The following ARGFX variants were observed in gnomAD, a reference collection of about 807,000 sequenced individuals.
ARGFX encodes the protein arginine-fifty homeobox.
In ARGFX, 10 loss-of-function variants were observed where a neutral mutation model predicts 8.0. The observed-to-expected ratio is 1.25, with a 90% CI of 0.77 to 2.12. The LOEUF is 2.12. Among genes scored for constraint, ARGFX ranks in the 30% most tolerant of loss-of-function variants. The pLI is 0.00. For synonymous variants in ARGFX, 116 were observed against 117.8 expected (o/e 0.98, Z 0.10); for missense variants, 282 against 324.3 (o/e 0.87, Z 1.00).
At chr3:121,579,919 TC>T (rs1304234011) in intron 3 of ARGFX, among the ~76,000 whole-genome samples, 3 of 142,686 alleles carry the variant, frequency 2.1e-5, no homozygotes, top group Non-Finnish European at 3.1e-5. Flanking sequence ...TTTCTTTCTT[TC>T]TTTCTTTTTC....
At chr3:121,584,219 G>C (rs1167564080) in intron 3 of ARGFX, among the ~76,000 whole-genome samples, 19 of 131,464 alleles carry the variant, frequency 1.4e-4, no homozygotes, top group Admixed American at 4.4e-4. Context: ...AGGAAGGAAG[G>C]AAGGAAGGAA....
At chr3:121,584,239 G>GAAGT (rs1311546456) in intron 3 of ARGFX, among the ~76,000 whole-genome samples, 1 of 150,300 alleles carries the variant, frequency 6.7e-6, no homozygotes. Flanking sequence ...AGGAAGGAAG[G>GAAGT]AAGGAAGGAA....
intron 3 of ARGFX, among the ~76,000 whole-genome samples, chr3:121,582,346 G>A (rs187862615): frequency 6.6e-5 from 10 of 152,120 alleles, no homozygotes; most frequent in Non-Finnish European, 1.2e-4. Context: ...CTGGTAAAAC[G>A]ATGTTATTTA....
rs1445496601 is a variant in ARGFX, at chr3:121,586,899, TA to T, written c.*300del. ...AGTGGTTTTGGGGGTTATCCACTTT[TA>T]TTTTTTTGAAACTAGCTCTCATTCT... On this transcript the variant is annotated 3_prime_UTR_variant, in exon 5 of 5. Coordinates refer to ENST00000334384, the MANE Select transcript of ARGFX (RefSeq NM_001012659.2). 3.3e-5 allele frequency among the ~76,000 whole-genome samples: 5 copies of T among 152,156 alleles called. No individual in the cohort carries two copies. Among genetic ancestry groups the T allele is most frequent in the African/African-American group, 1.2e-4 (5 of 41,432 alleles).
At position 121,587,694 on chromosome 3, in the gene ARGFX, T is replaced by C. The variant is rs2048820461; in HGVS notation, c.*1094T>C. 6.6e-6 allele frequency among the ~76,000 whole-genome samples: 1 copy of C among 152,212 alleles called. No homozygotes were observed. Among genetic ancestry groups the C allele is most frequent in the African/African-American group, 2.4e-5 (1 of 41,456 alleles). ...TATTTGTTTTTTGTAGACAGCACTC[T>C]GTCACCCAGGCTGGAGTGCAGTGGC... On this transcript the variant is annotated 3_prime_UTR_variant, in exon 5 of 5. Coordinates refer to ENST00000334384, the MANE Select transcript of ARGFX (RefSeq NM_001012659.2).
In ARGFX at chr3:121,570,773, T is replaced by A; in HGVS notation, c.60T>A (p.Tyr20Ter). Residue 20 changes from tyrosine to a stop codon, truncating the protein, a stop_gained, in exon 2 of 5, where the codon TAT becomes TAA. Coordinates refer to ENST00000334384, the MANE Select transcript of ARGFX (RefSeq NM_001012659.2). LOFTEE classifies it high-confidence loss of function. ...PQPDPFINRN[Y>*]SNMKVIPPQD... Reference sequence around the variant, plus strand: ...CAGACCCTTTCATCAATAGGAATTATTCCAACATGAAGGTGATACCACCAC... The same window carrying A: ...CAGACCCTTTCATCAATAGGAATTAATCCAACATGAAGGTGATACCACCAC... 2.5e-6 allele frequency: 4 copies of A among 1,609,498 alleles called. No individual in the cohort carries two copies. The South Asian group carries it at 4.4e-5, about 18-fold the overall frequency.
At chr3:121,570,967 A>AT (rs1387499510) in intron 2 of ARGFX, 151 bp downstream of exon 2, 4 of 546,498 alleles carry the variant, frequency 7.3e-6, no homozygotes, top group Admixed American at 8.2e-5. Flanking sequence ...GGAGAAATAC[A>AT]TTTCAAATCA....
In ARGFX at chr3:121,588,218, A is replaced by T. The variant is rs1388149797; in HGVS notation, c.*1618A>T. ...GGTGGTGGCTCATGCCTGTAATCCC[A>T]GCACTTTGGGAGGCCGAGGCGGGCG... On this transcript the variant is annotated 3_prime_UTR_variant, in exon 5 of 5. Coordinates refer to ENST00000334384, the MANE Select transcript of ARGFX (RefSeq NM_001012659.2). 6.6e-6 allele frequency among the ~76,000 whole-genome samples: 1 copy of T among 151,270 alleles called. No homozygotes were observed. Among genetic ancestry groups the T allele is most frequent in the Non-Finnish European group, 1.5e-5 (1 of 67,884 alleles).
intron 3 of ARGFX, among the ~76,000 whole-genome samples, chr3:121,577,246 T>TCTACATGTAC (rs2048745734): frequency 4.1e-4 from 20 of 49,110 alleles, no homozygotes; most frequent in African/African-American, 5.4e-4. Flanking sequence ...TATATATATA[T>TCTACATGTAC]ATATATATAT....
At position 121,586,579 on chromosome 3, in the gene ARGFX, G is replaced by T. The variant is rs199657126; in HGVS notation, c.927G>T (p.Met309Ile). ...DSLEFQKTSNMVDLGFL is the reference protein window; with the variant it reads ...DSLEFQKTSNIVDLGFL ...TGGAATTCCAGAAAACCTCCAATAT[G>T]GTAGACTTGGGATTTCTCTGACCAG... Residue 309 changes from methionine (M) to isoleucine (I), a missense_variant, in exon 5 of 5, where the codon ATG becomes ATT. Physicochemically the swap from Met to Ile is conservative, Grantham distance 10. Coordinates refer to ENST00000334384, the MANE Select transcript of ARGFX (RefSeq NM_001012659.2). 2 of 1,613,036 alleles carry T rather than the reference G, an allele frequency of 1.2e-6. No individual in the cohort carries two copies. Among genetic ancestry groups the T allele is most frequent in the African/African-American group, 1.3e-5 (1 of 74,866 alleles).
intron 2 of ARGFX, among the ~76,000 whole-genome samples, chr3:121,571,164 A>G (rs568081244): frequency 7.2e-5 from 11 of 152,328 alleles, no homozygotes; most frequent in Admixed American, 6.5e-5. Context: ...AAACAAACAA[A>G]CAAACAAAAG....
rs199782325 is a variant in ARGFX at position 121,586,524 on chromosome 3, C to G, written c.872C>G (p.Ala291Gly). 3.8e-5 allele frequency: 62 copies of G among 1,614,032 alleles called. No homozygotes were observed. Among genetic ancestry groups the G allele is most frequent in the Admixed American group, 6.7e-5 (4 of 59,984 alleles). The change falls in exon 5 of 5, where the codon GCC (alanine) becomes GGC (glycine). Residue 291 changes from alanine (A) to glycine (G), a missense_variant. By Grantham distance (60) the Ala-to-Gly change is moderately conservative. Coordinates refer to ENST00000334384, the MANE Select transcript of ARGFX (RefSeq NM_001012659.2). ...AQTWPNMTSQ[A>G]FEAYSLTDSL... ...ACCTGGCCCAATATGACAAGCCAAGCCTTTGAAGCCTACAGTCTAACAGAT... is the reference window on the plus strand; with the variant it reads ...ACCTGGCCCAATATGACAAGCCAAGGCTTTGAAGCCTACAGTCTAACAGAT...
rs770350511 is a variant in ARGFX, at chr3:121,589,477, A to G, written c.*2877A>G. Among the ~76,000 whole-genome samples, 1 of 152,088 alleles carries G rather than the reference A, an allele frequency of 6.6e-6. No homozygotes were observed. Among genetic ancestry groups the G allele is most frequent in the Non-Finnish European group, 1.5e-5 (1 of 68,016 alleles). ...ACTGCAACCTCCGCCTCCTGGGTCA[A>G]ATGATTCTCCTGCTTTAGCCTCCCA... On this transcript the variant is annotated 3_prime_UTR_variant, in exon 5 of 5. Coordinates refer to ENST00000334384, the MANE Select transcript of ARGFX (RefSeq NM_001012659.2).
chr3:121,577,259 A>ATATATATATATATTT (rs1403064031), intron 3 of ARGFX, among the ~76,000 whole-genome samples: 2 of 59,622 alleles, frequency 3.4e-5, no homozygotes, highest in African/African-American at 1.2e-4. Context: ...ATATATATAT[A>ATATATATATATATTT]TTTTTTTTTT....
rs2048837157 is a variant in ARGFX at position 121,590,400 on chromosome 3, G to T, written c.*3800G>T. 6.6e-6 allele frequency among the ~76,000 whole-genome samples: 1 copy of T among 152,128 alleles called. No individual in the cohort carries two copies. The highest frequency in any genetic ancestry group is 1.5e-5 in the Non-Finnish European group (1 of 68,028). ...GAGTGGGTTAGTTATCTCAGAAGTGGGTTCCTGATAAAAGGATGAGTTCGG... is the reference window on the plus strand; with the variant it reads ...GAGTGGGTTAGTTATCTCAGAAGTGTGTTCCTGATAAAAGGATGAGTTCGG... On this transcript the variant is annotated 3_prime_UTR_variant, in exon 5 of 5. Transcript: ENST00000334384.
Position 121,586,003 on chromosome 3 carries a change from C to T in ARGFX, c.370-19C>T, listed in dbSNP as rs772249379. The T allele has an allele frequency of 2.8e-5, 44 of 1,550,870 alleles. No individual in the cohort carries two copies. Among genetic ancestry groups the T allele is most frequent in the Non-Finnish European group, 3.6e-5 (42 of 1,152,484 alleles). ...CTCCAATAACAGACCACAATCTCCC[C>T]CTCTTCCCCTACTCCCAGGTTTGGT... On this transcript the variant is annotated intron_variant, in intron 4 of 4. Transcript: ENST00000334384.
At chr3:121,577,253 ATATATATT>A (rs1243142741) in intron 3 of ARGFX, among the ~76,000 whole-genome samples, 5 of 53,330 alleles carry the variant, frequency 9.4e-5, no homozygotes, top group Non-Finnish European at 1.4e-4. Flanking sequence ...ATATATATAT[ATATATATT>A]TTTTTTTTTT....
chr3:121,586,055 A>C lies in ARGFX; in HGVS notation c.403A>C (p.Lys135Gln), dbSNP rs199525328. 68 of 1,587,832 alleles carry C rather than the reference A, an allele frequency of 4.3e-5. No homozygotes were observed. Among genetic ancestry groups the C allele is most frequent in the Middle Eastern group, 3.4e-4 (2 of 5,920 alleles). The change falls in exon 5 of 5, where the codon AAG (lysine) becomes CAG (glutamine). Residue 135 changes from lysine to glutamine, a missense_variant. Physicochemically the swap from Lys to Gln is moderately conservative, Grantham distance 53. Coordinates refer to ENST00000334384, the MANE Select transcript of ARGFX (RefSeq NM_001012659.2). ...WFRNRRFKLK[K>Q]QQQQQSAKQR... ...CAGGAACCGGCGATTCAAATTGAAGAAGCAGCAGCAGCAGCAATCAGCAAA... is the reference window on the plus strand; with the variant it reads ...CAGGAACCGGCGATTCAAATTGAAGCAGCAGCAGCAGCAGCAATCAGCAAA...
intron 1 of ARGFX, among the ~76,000 whole-genome samples, chr3:121,568,272 C>A (rs1467603487): frequency 6.6e-6 from 1 of 152,138 alleles, no homozygotes; most frequent in Non-Finnish European, 1.5e-5. Flanking sequence ...CAAACTTTCT[C>A]CATCTGTGTT....
Sources: gnomAD v4.1 joint callset for allele counts (sites outside exome capture counted in the v4.1 genomes callset) on GRCh38, gnomAD v4.1.1 for gene constraint, MANE v1.5 for transcripts, NCBI Gene and HGNC (gene_info 2026-07-23, HGNC 2026-07-21) for gene names.